SVOP: variants seen among roughly 807,000 people sequenced by gnomAD.
SVOP encodes SV2 related protein.
In SVOP, 17 loss-of-function variants were observed where a neutral mutation model predicts 69.1. That is an observed-to-expected ratio of 0.25 (90% CI 0.17 to 0.37). The LOEUF (loss-of-function observed/expected upper bound fraction) is 0.37, where lower values mean the gene tolerates loss of function less well. Ranked by LOEUF, SVOP falls within the 10% of genes least tolerant of loss-of-function variation. The probability of loss-of-function intolerance (pLI) is 1.00; values close to 1 mark genes in which losing one functional copy is unlikely to be tolerated. For synonymous variants in SVOP, 238 were observed against 238.6 expected (o/e 1.00, Z 0.02); for missense variants, 435 against 597.5 (o/e 0.73, Z 2.84).
chr12:109,013,499 T>C (rs1245013486), intron 1 of SVOP, among the ~76,000 whole-genome samples: 1 of 152,266 alleles, frequency 6.6e-6, no homozygotes, highest in Middle Eastern at 3.4e-3. Context: ...CAAGTGATTC[T>C]TATGCCTCAG....
intron 1 of SVOP, among the ~76,000 whole-genome samples, chr12:108,995,993 T>C (rs532338793): frequency 1.6e-4 from 24 of 151,340 alleles, no homozygotes; most frequent in African/African-American, 2.2e-4. Flanking sequence ...TACACACACA[T>C]ACATACATAC....
intron 14 of SVOP, among the ~76,000 whole-genome samples, chr12:108,917,325 C>G (rs920529104): frequency 7.2e-5 from 11 of 152,168 alleles, no homozygotes; most frequent in African/African-American, 2.7e-4. Flanking sequence ...TCAGTGCATA[C>G]CATATGCATT....
At chr12:108,992,008 T>C (rs1194790706) in intron 1 of SVOP, among the ~76,000 whole-genome samples, 1 of 152,084 alleles carries the variant, frequency 6.6e-6, no homozygotes, top group African/African-American at 2.4e-5. Context: ...GGGATGCTGA[T>C]AGAGATTGTG....
At chr12:108,947,911 CAT>C (rs1224056718) in intron 6 of SVOP, among the ~76,000 whole-genome samples, 1 of 152,014 alleles carries the variant, frequency 6.6e-6, no homozygotes, top group African/African-American at 2.4e-5. Flanking sequence ...GCTGGGGACA[CAT>C]TTAGATCTCC....
Position 108,967,118 on chromosome 12 carries a change from C to T in SVOP, c.453+5287G>A, listed in dbSNP as rs145110750. Among the ~76,000 whole-genome samples the T allele has an allele frequency of 2.2e-3, 338 of 152,266 alleles. 2 individuals carry two copies. The highest frequency in any genetic ancestry group is 0.01 in the Middle Eastern group (3 of 294). ...TTAATTAGAGGAGCTGGGATTTGAA[C>T]CCAAGCAGTCTGGCCTCAAAACCCA... On this transcript the variant is annotated intron_variant, in intron 5 of 15. Coordinates refer to ENST00000610966, the MANE Select transcript of SVOP (RefSeq NM_018711.5).
chr12:108,937,391 G>GAGA, intron 9 of SVOP, 54 bp from the exon 10 acceptor site: 2 of 1,560,952 alleles, frequency 1.3e-6, no homozygotes, highest in Non-Finnish European at 1.8e-6. Flanking sequence ...ATGCACGGGA[G>GAGA]ATGGGCTGGT....
intron 3 of SVOP, 129 bp from the exon 4 acceptor site, chr12:108,977,625 G>A (rs2040113935): frequency 1.7e-6 from 1 of 593,732 alleles, no homozygotes; most frequent in South Asian, 2.0e-5. Context: ...GTGCCCTGCT[G>A]CACATCAAAC....
intron 11 of SVOP, 46 bp from the exon 12 acceptor site, chr12:108,922,843 T>A (rs1417700536): frequency 7.3e-7 from 1 of 1,360,906 alleles, no homozygotes; most frequent in Admixed American, 1.9e-5. Flanking sequence ...ATACAGAGTC[T>A]TGAATCACAC....
chr12:108,931,347 C>T (rs1431601484), intron 11 of SVOP, among the ~76,000 whole-genome samples: 1 of 152,216 alleles, frequency 6.6e-6, no homozygotes, highest in Non-Finnish European at 1.5e-5. Context: ...TTAGTGTTAT[C>T]TTAAAAGTCA....
chr12:108,990,511 G>A (rs1296893125), intron 1 of SVOP, among the ~76,000 whole-genome samples: 7 of 142,800 alleles, frequency 4.9e-5, no homozygotes, highest in African/African-American at 1.8e-4. Context: ...ACCTGTCGTG[G>A]GATAGGGGGA....
chr12:108,947,204 C>A (rs1023093954), intron 6 of SVOP, among the ~76,000 whole-genome samples: 2 of 152,116 alleles, frequency 1.3e-5, no homozygotes, highest in African/African-American at 4.8e-5. Flanking sequence ...TCTGTCATCA[C>A]CTTTCTAAGA....
At chr12:108,947,444 G>C (rs747084299) in intron 6 of SVOP, among the ~76,000 whole-genome samples, 1 of 152,056 alleles carries the variant, frequency 6.6e-6, no homozygotes, top group Non-Finnish European at 1.5e-5. Context: ...AGTTCATACT[G>C]ATACATTCCA....
At position 108,907,761 on chromosome 12, in the gene SVOP, G is replaced by C. The variant is rs996762718; in HGVS notation, c.*4774C>G. On this transcript the variant is annotated 3_prime_UTR_variant, in exon 16 of 16. Transcript: ENST00000610966. ...GGCATGAGCCACTGCACCCAGCCAG[G>C]ACCATGTCTTATGATATTTTGCATC... 3 of 152,234 alleles carry C rather than the reference G, an allele frequency of 2.0e-5. No individual in the cohort carries two copies. Among genetic ancestry groups the C allele is most frequent in the African/African-American group, 7.2e-5 (3 of 41,436 alleles). The allele number at this position is 152,234 out of a possible 1,614,324, so 9.4% of individuals were successfully genotyped here.
chr12:108,946,411 AT>A (rs1369935354), intron 6 of SVOP, among the ~76,000 whole-genome samples: 5 of 151,988 alleles, frequency 3.3e-5, no homozygotes, highest in Admixed American at 2.0e-4. Context: ...CGCAAATGGT[AT>A]TTTTTATTTT....
intron 5 of SVOP, among the ~76,000 whole-genome samples, chr12:108,962,021 C>T (rs1361996197): frequency 6.6e-6 from 1 of 152,166 alleles, no homozygotes; most frequent in Non-Finnish European, 1.5e-5. Flanking sequence ...TGCGGGCAAA[C>T]TCATTTTGAA....
At chr12:109,003,942 T>C (rs887159268) in intron 1 of SVOP, among the ~76,000 whole-genome samples, 4 of 152,210 alleles carry the variant, frequency 2.6e-5, no homozygotes, top group African/African-American at 9.6e-5. Flanking sequence ...TGCTCACATT[T>C]CTTCTCTGGC....
At chr12:108,999,894 T>C (rs1418918555) in intron 1 of SVOP, among the ~76,000 whole-genome samples, 1 of 151,726 alleles carries the variant, frequency 6.6e-6, no homozygotes, top group African/African-American at 2.4e-5. Flanking sequence ...AACATCACAA[T>C]TAAAAGAACT....
intron 12 of SVOP, among the ~76,000 whole-genome samples, chr12:108,920,892 C>T (rs960202832): frequency 2.0e-5 from 3 of 152,204 alleles, no homozygotes; most frequent in Non-Finnish European, 2.9e-5. Context: ...CCACCATGCC[C>T]GGCCCCATTT....
chr12:108,977,530 A>G, intron 3 of SVOP, 34 bp from the exon 4 acceptor site: 1 of 1,453,276 alleles, frequency 6.9e-7, no homozygotes, highest in Non-Finnish European at 9.3e-7. Context: ...TGAGGCCAGG[A>G]TGCTGCTTGG....
Sources: gnomAD v4.1 joint callset for allele counts (sites outside exome capture counted in the v4.1 genomes callset) on GRCh38, gnomAD v4.1.1 for gene constraint, MANE v1.5 for transcripts, NCBI Gene and HGNC (gene_info 2026-07-23, HGNC 2026-07-21) for gene names.